Variants in PLCB1 observed in about 807,000 individuals in gnomAD.
PLCB1 encodes phospholipase C beta 1.
Under a neutral mutation model 161.8 loss-of-function variants are expected in PLCB1, and 46 were observed. That is an observed-to-expected ratio of 0.28 (90% CI 0.22 to 0.36). PLCB1 has a LOEUF of 0.36. Ranked by LOEUF, PLCB1 falls within the 10% of genes least tolerant of loss-of-function variation. PLCB1 has a pLI of 1.00. For synonymous variants in PLCB1, 517 were observed against 503.7 expected (o/e 1.03, Z -0.35); for missense variants, 1,016 against 1,472.5 (o/e 0.69, Z 5.07).
chr20:8,831,335 A>G (rs1023041111), intron 31 of PLCB1: 1 of 152,822 alleles, frequency 6.5e-6, no homozygotes, highest in Non-Finnish European at 1.5e-5. Context: ...GCATATTCCT[A>G]CAACTTCTCA....
At chr20:8,275,112 C>T (rs1283650517) in intron 2 of PLCB1, among the ~76,000 whole-genome samples, 3 of 151,860 alleles carry the variant, frequency 2.0e-5, no homozygotes. Flanking sequence ...GAATATTTCA[C>T]GTTCTTTCTG....
chr20:8,461,186 G>A (rs1332903806), intron 3 of PLCB1, among the ~76,000 whole-genome samples: 1 of 152,048 alleles, frequency 6.6e-6, no homozygotes, highest in East Asian at 1.9e-4. Flanking sequence ...GAAAGTCGAG[G>A]GCTCTTTCTT....
chr20:8,649,404 G>A lies in PLCB1; in HGVS notation c.549G>A (p.Lys183=), dbSNP rs1404076221. 6.2e-7 allele frequency: 1 copy of A among 1,613,756 alleles called. No homozygotes were observed. Among genetic ancestry groups the A allele is most frequent in the East Asian group, 2.2e-5 (1 of 44,878 alleles). ...ATCGCTTGTTTTCAGCAGATCGGAA[G>A]CGAGTTGAAACTGCTTTAGAGGCTT... ...NIYRLFSADR[K]RVETALEACS... The change falls in exon 7 of 32, where the codon AAG becomes AAA. Residue 183 remains lysine (K), a synonymous_variant. Coordinates refer to ENST00000338037, the MANE Select transcript of PLCB1 (RefSeq NM_015192.4).
intron 3 of PLCB1, among the ~76,000 whole-genome samples, chr20:8,377,398 T>G (rs2122370949): frequency 6.6e-6 from 1 of 152,314 alleles, no homozygotes; most frequent in Middle Eastern, 3.4e-3. Context: ...TGACTTGGGC[T>G]TTTCTTCTGA....
chr20:8,792,644 T>C (rs1480129153), intron 31 of PLCB1: 4 of 471,074 alleles, frequency 8.5e-6, no homozygotes, highest in Non-Finnish European at 1.8e-5. Context: ...TGACCATCTT[T>C]TTGTGTCTGG....
intron 31 of PLCB1, among the ~76,000 whole-genome samples, chr20:8,839,684 G>C (rs575739927): frequency 6.7e-5 from 10 of 148,250 alleles, no homozygotes; most frequent in African/African-American, 2.5e-4. Flanking sequence ...CAGCATGCTA[G>C]AAAGCCTATC....
chr20:8,622,299 C>A (rs985427333), intron 3 of PLCB1, among the ~76,000 whole-genome samples: 1 of 151,310 alleles, frequency 6.6e-6, no homozygotes, highest in African/African-American at 2.4e-5. Flanking sequence ...TGATGAAATT[C>A]TTTCAATTAT....
intron 2 of PLCB1, among the ~76,000 whole-genome samples, chr20:8,192,940 A>T (rs1394174526): frequency 1.3e-5 from 2 of 152,002 alleles, no homozygotes; most frequent in African/African-American, 2.4e-5. Context: ...AACAGGATGT[A>T]CATAATGAGT....
At chr20:8,198,093 T>C (rs538462295) in intron 2 of PLCB1, among the ~76,000 whole-genome samples, 187 of 152,238 alleles carry the variant, frequency 1.2e-3, no homozygotes, top group African/African-American at 4.1e-3. Flanking sequence ...TCAGGTAGTG[T>C]GATGCCTCCA....
chr20:8,745,465 A>G (rs986657334), intron 23 of PLCB1, among the ~76,000 whole-genome samples: 3 of 152,166 alleles, frequency 2.0e-5, no homozygotes, highest in Admixed American at 6.5e-5. Context: ...ATATTACCAG[A>G]TGTTTAATAG....
At chr20:8,360,073 G>A (rs1257407685) in intron 2 of PLCB1, among the ~76,000 whole-genome samples, 1 of 152,214 alleles carries the variant, frequency 6.6e-6, no homozygotes, top group Admixed American at 6.5e-5. Context: ...GAAGAGTTAA[G>A]TAAGGGTGAG....
At chr20:8,334,728 A>G (rs550477134) in intron 2 of PLCB1, among the ~76,000 whole-genome samples, 1 of 152,334 alleles carries the variant, frequency 6.6e-6, no homozygotes, top group African/African-American at 2.4e-5. Flanking sequence ...AAATGTTGCT[A>G]TCCTGAAACA....
At chr20:8,371,705 A>C in intron 3 of PLCB1, 1 of 373,318 alleles carries the variant, frequency 2.7e-6, no homozygotes, top group Non-Finnish European at 4.8e-6. Flanking sequence ...AACGACAACA[A>C]TGCCCAAGTT....
chr20:8,589,612 T>C (rs866850639), intron 3 of PLCB1, among the ~76,000 whole-genome samples: 13 of 57,852 alleles, frequency 2.2e-4, no homozygotes, highest in East Asian at 4.8e-4. Flanking sequence ...ATCTCTCTCT[T>C]TTTTTTTTTT....
At chr20:8,720,412 C>T (rs1979560916) in intron 14 of PLCB1, among the ~76,000 whole-genome samples, 2 of 152,140 alleles carry the variant, frequency 1.3e-5, no homozygotes, top group African/African-American at 4.8e-5. Flanking sequence ...ATGTAGGTAC[C>T]TGAATAAAGA....
At chr20:8,574,642 G>A (rs1043417672) in intron 3 of PLCB1, among the ~76,000 whole-genome samples, 1 of 152,184 alleles carries the variant, frequency 6.6e-6, no homozygotes, top group African/African-American at 2.4e-5. Context: ...ATGTTATCAA[G>A]CCATTACTAC....
At chr20:8,264,618 CA>C (rs1433636102) in intron 2 of PLCB1, among the ~76,000 whole-genome samples, 1 of 152,092 alleles carries the variant, frequency 6.6e-6, no homozygotes, top group African/African-American at 2.4e-5. Flanking sequence ...GCCATGACAT[CA>C]CTAGGTTATA....
At chr20:8,676,696 C>T (rs981480474) in intron 9 of PLCB1, among the ~76,000 whole-genome samples, 1 of 152,178 alleles carries the variant, frequency 6.6e-6, no homozygotes, top group African/African-American at 2.4e-5. Context: ...TACCAACTCT[C>T]ATACTTTTCA....
chr20:8,825,335 G>A (rs950170293), intron 31 of PLCB1, among the ~76,000 whole-genome samples: 8 of 152,344 alleles, frequency 5.3e-5, no homozygotes, highest in South Asian at 2.1e-4. Context: ...ATAGGGGATC[G>A]AAGATCAGGC....
Sources: allele counts gnomAD v4.1 joint callset (sites outside exome capture counted in the v4.1 genomes callset), GRCh38; gene constraint gnomAD v4.1.1; transcripts MANE v1.5; gene names NCBI Gene and HGNC (gene_info 2026-07-23, HGNC 2026-07-21).